Variants in NAV2 observed in about 807,000 individuals in gnomAD.
The protein encoded by NAV2 is neuron navigator 2.
In NAV2, 54 loss-of-function variants were observed where a neutral mutation model predicts 223.2. The observed-to-expected ratio is 0.24, with a 90% CI of 0.19 to 0.30. The LOEUF is 0.30. NAV2 is among the 10% of genes least tolerant of loss of function. The pLI is 1.00. For synonymous variants in NAV2, 1,279 were observed against 1,239.3 expected (o/e 1.03, Z -0.67); for missense variants, 2,806 against 3,147.5 (o/e 0.89, Z 2.60).
intron 3 of NAV2, among the ~76,000 whole-genome samples, chr11:19,862,481 G>A (rs1249959868): frequency 6.6e-6 from 1 of 152,200 alleles, no homozygotes; most frequent in Non-Finnish European, 1.5e-5. Context: ...CAGAGTCACG[G>A]AGCCCCTCTT....
At chr11:20,001,265 A>G (rs2052515600) in intron 11 of NAV2, among the ~76,000 whole-genome samples, 2 of 152,156 alleles carry the variant, frequency 1.3e-5, no homozygotes, top group Middle Eastern at 3.2e-3. Flanking sequence ...CAGGCCTAGT[A>G]AGTCCCTTCC....
chr11:20,038,995 G>A (rs548814980), intron 12 of NAV2, among the ~76,000 whole-genome samples: 23 of 152,294 alleles, frequency 1.5e-4, no homozygotes, highest in Admixed American at 1.3e-4. Context: ...GAGGAGCAAC[G>A]GAGAATGCCC....
intron 11 of NAV2, among the ~76,000 whole-genome samples, chr11:20,009,955 C>T (rs766157323): frequency 4.6e-5 from 7 of 152,136 alleles, no homozygotes; most frequent in Non-Finnish European, 8.8e-5. Context: ...ATCATAGTAC[C>T]AAATACATCC....
At chr11:19,930,807 G>A (rs190543689) in intron 6 of NAV2, among the ~76,000 whole-genome samples, 34 of 152,320 alleles carry the variant, frequency 2.2e-4, no homozygotes, top group Admixed American at 5.9e-4. Context: ...CTCAGGATTG[G>A]TGGGTTCACT....
At chr11:20,116,810 T>G (rs1032683858) in intron 37 of NAV2, among the ~76,000 whole-genome samples, 1 of 152,210 alleles carries the variant, frequency 6.6e-6, no homozygotes, top group African/African-American at 2.4e-5. Flanking sequence ...GGGCCATATG[T>G]CTCTATTATC....
chr11:20,085,325 C>T (rs1032979315), intron 26 of NAV2, among the ~76,000 whole-genome samples: 10 of 152,208 alleles, frequency 6.6e-5, no homozygotes, highest in South Asian at 2.1e-4. Flanking sequence ...GTTGTGGTTA[C>T]GATAAAGTAC....
At chr11:20,084,248 C>T (rs2060276042) in intron 26 of NAV2, among the ~76,000 whole-genome samples, 1 of 152,202 alleles carries the variant, frequency 6.6e-6, no homozygotes, top group Non-Finnish European at 1.5e-5. Context: ...CAGGCGCATG[C>T]CACCATGCCC....
rs954667984 is a variant in NAV2, at chr11:19,628,457, C to T, written c.76-204027C>T. Among the ~76,000 whole-genome samples the T allele has an allele frequency of 5.3e-5, 8 of 152,328 alleles. No individual in the cohort carries two copies. In the East Asian group the frequency reaches 1.5e-3, roughly 29 times the overall value. On this transcript the variant is annotated intron_variant, in intron 1 of 37. Coordinates refer to the NAV2 transcript ENST00000360655. Reference sequence around the variant, plus strand: ...CACTCGTACAGAGTATATGTTCTCACACATTCACAGATATCCCCACACCCC... The same window carrying T: ...CACTCGTACAGAGTATATGTTCTCATACATTCACAGATATCCCCACACCCC...
At chr11:19,361,932 G>C (rs1288617051) in intron 1 of NAV2, among the ~76,000 whole-genome samples, 1 of 152,108 alleles carries the variant, frequency 6.6e-6, no homozygotes, top group Non-Finnish European at 1.5e-5. Flanking sequence ...GAATCCCTAG[G>C]CTCCCATAAT....
At chr11:19,752,552 A>C (rs890026609) in intron 1 of NAV2, among the ~76,000 whole-genome samples, 1 of 152,076 alleles carries the variant, frequency 6.6e-6, no homozygotes, top group African/African-American at 2.4e-5. Context: ...TTTTTTTCCT[A>C]CTAATTAACA....
intron 35 of NAV2, among the ~76,000 whole-genome samples, chr11:20,106,489 G>A: frequency 7.1e-6 from 1 of 140,968 alleles, no homozygotes; most frequent in African/African-American, 2.6e-5. Context: ...GAACCCAGGA[G>A]GCGGAGGCTG....
chr11:20,077,923 CA>C, intron 23 of NAV2, 69 bp from the exon 24 acceptor site: 3 of 1,275,060 alleles, frequency 2.4e-6, no homozygotes, highest in Non-Finnish European at 3.4e-6. Flanking sequence ...GTGTTGAAGC[CA>C]AGTTGTACTT....
At chr11:19,405,544 C>T (rs781465797) in intron 1 of NAV2, among the ~76,000 whole-genome samples, 3 of 152,190 alleles carry the variant, frequency 2.0e-5, no homozygotes, top group African/African-American at 7.2e-5. Flanking sequence ...ATTCCTCCTT[C>T]TGTATACTGT....
At chr11:19,638,823 T>C (rs1322032042) in intron 1 of NAV2, among the ~76,000 whole-genome samples, 1 of 152,086 alleles carries the variant, frequency 6.6e-6, no homozygotes, top group East Asian at 1.9e-4. Context: ...TGAAACCCCG[T>C]GTCTACTAAA....
In NAV2 at chr11:20,094,402, G is replaced by T. The variant is rs527359844; in HGVS notation, c.5916+1203G>T. Among the ~76,000 whole-genome samples, 861 of 151,748 alleles carry T rather than the reference G, an allele frequency of 5.7e-3. 2 individuals are homozygous for T. Among genetic ancestry groups the T allele is most frequent in the Non-Finnish European group, 0.011 (715 of 67,890 alleles). ...CTGCCACCATGCCCGGCTAATTTTT[G>T]TATTTTTAGTAGAGATGGGGTTTCA... On this transcript the variant is annotated intron_variant, in intron 29 of 37. Coordinates refer to ENST00000349880, the MANE Select transcript of NAV2 (RefSeq NM_145117.5).
chr11:19,362,369 AT>A (rs529791314), intron 1 of NAV2, among the ~76,000 whole-genome samples: 12 of 152,032 alleles, frequency 7.9e-5, no homozygotes, highest in African/African-American at 2.4e-4. Flanking sequence ...AAATTGACTC[AT>A]TTTTTTTAAA....
rs116475004 is a variant in NAV2, at chr11:20,068,770, G to T, written c.4983+372G>T. Among the ~76,000 whole-genome samples the T allele has an allele frequency of 2.9e-3, 445 of 152,298 alleles. 3 individuals carry two copies. The highest frequency in any genetic ancestry group is 0.01 in the African/African-American group (427 of 41,570). On this transcript the variant is annotated intron_variant, in intron 22 of 37. Transcript: ENST00000349880. ...GAAGCAAAAAGGAAAGAAGGGGGAA[G>T]AAAAGAAATGTAGGGCTTTTCAATA...
chr11:19,737,166 G>A (rs1644299531), intron 1 of NAV2, among the ~76,000 whole-genome samples: 1 of 152,238 alleles, frequency 6.6e-6, no homozygotes, highest in Non-Finnish European at 1.5e-5. Context: ...GACAGCTGAG[G>A]ACAGGGACTC....
chr11:19,593,628 C>T (rs976477510), intron 1 of NAV2, among the ~76,000 whole-genome samples: 2 of 152,272 alleles, frequency 1.3e-5, no homozygotes, highest in African/African-American at 2.4e-5. Flanking sequence ...AAACTCTTTC[C>T]GAGAGTGGCT....
Sources: allele counts gnomAD v4.1 joint callset (sites outside exome capture counted in the v4.1 genomes callset), GRCh38; gene constraint gnomAD v4.1.1; transcripts MANE v1.5; gene names NCBI Gene and HGNC (gene_info 2026-07-23, HGNC 2026-07-21).